Variants in PRR14L observed in about 807,000 individuals in gnomAD.
PRR14L encodes protein PRR14L.
PRR14L carries 80 observed loss-of-function variants against 155.0 expected under a neutral mutation model. The observed-to-expected ratio is 0.52, with a 90% confidence interval of 0.43 to 0.62. The LOEUF is 0.62. PRR14L is among the 20% of genes least tolerant of loss of function. PRR14L has a pLI of 0.00. For synonymous variants in PRR14L, 883 were observed against 916.0 expected (o/e 0.96, Z 0.65); for missense variants, 2,469 against 2,548.0 (o/e 0.97, Z 0.67).
Position 31,715,226 on chromosome 22 carries a change from C to T in PRR14L, c.2613G>A (p.Lys871=), listed in dbSNP as rs1845165836. The T allele has an allele frequency of 6.4e-7, 1 of 1,552,164 alleles. No individual in the cohort carries two copies. The highest frequency in any genetic ancestry group is 2.0e-5 in the Admixed American group (1 of 50,972). Residue 871 remains lysine (K), a synonymous_variant, in exon 4 of 9, where the codon AAG becomes AAA. Transcript: ENST00000327423. ...AGCCTGCTACCATTTTGTTTCTGAT[C>T]TTATCTCCTGGAAGGCTGCCATTCG... ...KETNGSLPGD[K]IRNKMVAGLL...
At chr22:31,728,732 A>T (rs947424491) in intron 2 of PRR14L, among the ~76,000 whole-genome samples, 1 of 152,010 alleles carries the variant, frequency 6.6e-6, no homozygotes, top group African/African-American at 2.4e-5. Context: ...AAAAAAAAAA[A>T]AAATTCTGAA....
At position 31,714,966 on chromosome 22, in the gene PRR14L, G is replaced by T. The variant is rs1209066380; in HGVS notation, c.2873C>A (p.Ser958Ter). ...VMFSSFKNVK[S>*]VETLDQKADE... ...TGCCTTCTGATCGAGTGTTTCAACT[G>T]ATTTTACATTTTTAAAACTGGAGAA... is the stretch of plus-strand genomic sequence containing the variant. Residue 958 changes from serine to a stop codon, truncating the protein, a stop_gained, in exon 4 of 9, where the codon TCA (serine) becomes TAA (stop). Coordinates refer to ENST00000327423, the MANE Select transcript of PRR14L (RefSeq NM_173566.3). LOFTEE classifies it high-confidence loss of function. 1 of 1,552,068 alleles carries T rather than the reference G, an allele frequency of 6.4e-7. No individual in the cohort carries two copies.
intron 3 of PRR14L, among the ~76,000 whole-genome samples, chr22:31,720,874 T>C (rs533687616): frequency 6.6e-6 from 1 of 152,324 alleles, no homozygotes; most frequent in East Asian, 1.9e-4. Context: ...CCCTCCTAAA[T>C]AAGTCTTCAT....
chr22:31,708,021 T>C (rs2074600697), intron 4 of PRR14L, among the ~76,000 whole-genome samples: 1 of 151,870 alleles, frequency 6.6e-6, no homozygotes, highest in African/African-American at 2.4e-5. Context: ...TGGTGGTGCA[T>C]GCCTGCAATC....
Position 31,704,642 on chromosome 22 carries a change from C to T in PRR14L, c.5828+13G>A. The T allele has an allele frequency of 6.2e-7, 1 of 1,611,468 alleles. No homozygotes were observed. Among genetic ancestry groups the T allele is most frequent in the Admixed American group, 1.7e-5 (1 of 59,994 alleles). ...GCACACGCGCACACACACGCTGAGT[C>T]TCATGTGCTTACCTCGTCTGACTGC... is the stretch of plus-strand genomic sequence containing the variant. On this transcript the variant is annotated intron_variant, in intron 5 of 8. Coordinates refer to ENST00000327423, the MANE Select transcript of PRR14L (RefSeq NM_173566.3).
At chr22:31,694,476 G>A (rs921386968) in intron 7 of PRR14L, among the ~76,000 whole-genome samples, 4 of 152,110 alleles carry the variant, frequency 2.6e-5, no homozygotes, top group South Asian at 4.1e-4. Context: ...ACAAAATTAC[G>A]GTGTCTCATG....
chr22:31,684,853 ACAC>A lies in PRR14L; in HGVS notation c.*671_*673del, dbSNP rs1483551849. 1 of 152,178 alleles carries A rather than the reference ACAC, an allele frequency of 6.6e-6. No homozygotes were observed. The highest frequency in any genetic ancestry group is 1.5e-5 in the Non-Finnish European group (1 of 68,036). 9.4% of individuals were successfully genotyped at this position (152,178 alleles called of 1,614,324 possible). On this transcript the variant is annotated 3_prime_UTR_variant, in exon 9 of 9. Coordinates refer to ENST00000327423, the MANE Select transcript of PRR14L (RefSeq NM_173566.3). ...AAAATAAAACAAATGAAAATAATCC[ACAC>A]CACAACATTAAAAAGTGCAACTTAC...
rs915815020 is a variant in PRR14L at position 31,692,484 on chromosome 22, T to C, written c.6108-4257A>G. On this transcript the variant is annotated intron_variant, in intron 7 of 8. Coordinates refer to ENST00000327423, the MANE Select transcript of PRR14L (RefSeq NM_173566.3). ...TCTATCTTCTTTGGAGAAATGTCTA[T>C]TGAAACACTTTGTCCATTTAAAAAA... Among the ~76,000 whole-genome samples, 10 of 152,342 alleles carry C rather than the reference T, an allele frequency of 6.6e-5. 1 individual carries two copies. In the South Asian group the frequency reaches 1.9e-3, roughly 28 times the overall value.
chr22:31,715,972 A>G lies in PRR14L; in HGVS notation c.1867T>C (p.Leu623=). 6.4e-7 allele frequency: 1 copy of G among 1,551,642 alleles called. No individual in the cohort carries two copies. The highest frequency in any genetic ancestry group is 1.2e-5 in the South Asian group (1 of 84,062). The change falls in exon 4 of 9, where the codon TTA becomes CTA. Residue 623 remains leucine, a synonymous_variant. Coordinates refer to ENST00000327423, the MANE Select transcript of PRR14L (RefSeq NM_173566.3). The part of the protein sequence containing the change: ...IQTSHDDIPL[L]DEQSIACEMN... ...TCACAGGCTATGCTCTGTTCATCTAAAAGTGGAATATCATCATGTGAGGTC... is the reference window on the plus strand; with the variant it reads ...TCACAGGCTATGCTCTGTTCATCTAGAAGTGGAATATCATCATGTGAGGTC...
intron 1 of PRR14L, among the ~76,000 whole-genome samples, chr22:31,740,376 C>T (rs8141514): frequency 0.015 from 2,274 of 152,266 alleles, 57 homozygotes; most frequent in African/African-American, 0.053. Flanking sequence ...TGTGCCACCA[C>T]GCCCAGCTAA....
chr22:31,691,116 A>G (rs549406510), intron 7 of PRR14L, among the ~76,000 whole-genome samples: 1 of 151,076 alleles, frequency 6.6e-6, no homozygotes, highest in East Asian at 1.9e-4. Context: ...GGCGCCTACC[A>G]CCACGCGCGG....
chr22:31,693,223 A>G (rs1449845000), intron 7 of PRR14L, among the ~76,000 whole-genome samples: 1 of 152,140 alleles, frequency 6.6e-6, no homozygotes, highest in Non-Finnish European at 1.5e-5. Flanking sequence ...TCACTGCCCT[A>G]CATACCCTCT....
chr22:31,714,941 T>C lies in PRR14L; in HGVS notation c.2898A>G (p.Ala966=), dbSNP rs910026160. The change falls in exon 4 of 9, where the codon GCA becomes GCG. Residue 966 remains alanine (A), a synonymous_variant. Coordinates refer to ENST00000327423, the MANE Select transcript of PRR14L (RefSeq NM_173566.3). ...TACTCTGACAGTCAAGGACTTCATCTGCCTTCTGATCGAGTGTTTCAACTG... is the reference window on the plus strand; with the variant it reads ...TACTCTGACAGTCAAGGACTTCATCCGCCTTCTGATCGAGTGTTTCAACTG... ...VKSVETLDQK[A]DEVLDCQSNQ... is the part of the protein sequence containing the mutation. 4.5e-6 allele frequency: 7 copies of C among 1,551,946 alleles called. No individual in the cohort carries two copies. The African/African-American group carries it at 9.6e-5, about 21-fold the overall frequency.
At chr22:31,726,823 C>A (rs2074718958) in intron 2 of PRR14L, among the ~76,000 whole-genome samples, 1 of 150,276 alleles carries the variant, frequency 6.7e-6, no homozygotes, top group Admixed American at 7.3e-5. Context: ...TATAAAACAC[C>A]CAGCAAAACA....
intron 4 of PRR14L, among the ~76,000 whole-genome samples, chr22:31,706,877 C>T (rs1052663382): frequency 2.0e-5 from 3 of 152,056 alleles, no homozygotes; most frequent in African/African-American, 7.2e-5. Flanking sequence ...TGGTGAAATC[C>T]TGTCTCTACT....
intron 1 of PRR14L, among the ~76,000 whole-genome samples, chr22:31,749,258 C>G (rs1569501699): frequency 6.6e-6 from 1 of 152,048 alleles, no homozygotes; most frequent in Non-Finnish European, 1.5e-5. Flanking sequence ...CGATTACACT[C>G]CAAAAGCCAT....
In PRR14L at chr22:31,711,126, T is replaced by C. The variant is rs996902594; in HGVS notation, c.5756+957A>G. On this transcript the variant is annotated intron_variant, in intron 4 of 8. Coordinates refer to ENST00000327423, the MANE Select transcript of PRR14L (RefSeq NM_173566.3). The stretch of plus-strand genomic sequence containing the variant: ...ACAAGCGATTGTGTGTTACTATTTA[T>C]AGTTTTTCACTTGTAATGGGTGTTT... Among the ~76,000 whole-genome samples, 7 of 152,360 alleles carry C rather than the reference T, an allele frequency of 4.6e-5. No homozygotes were observed. In the East Asian group the frequency reaches 1.3e-3, roughly 29 times the overall value.
chr22:31,749,918 C>A (rs978606325), intron 1 of PRR14L, 75 bp downstream of exon 1: 2 of 152,668 alleles, frequency 1.3e-5, no homozygotes, highest in African/African-American at 2.4e-5. Context: ...AGCAGCACCA[C>A]CCGGCGGAGG....
intron 3 of PRR14L, among the ~76,000 whole-genome samples, chr22:31,718,781 A>G (rs2074674500): frequency 7.9e-6 from 1 of 126,886 alleles, no homozygotes; most frequent in Admixed American, 8.2e-5. Flanking sequence ...ATGCAAATCT[A>G]TTTAAAGATC....
Sources: allele counts gnomAD v4.1 joint callset (sites outside exome capture counted in the v4.1 genomes callset), GRCh38; gene constraint gnomAD v4.1.1; transcripts MANE v1.5; gene names NCBI Gene and HGNC (gene_info 2026-07-23, HGNC 2026-07-21).